Variants in XPR1 observed in about 807,000 individuals in gnomAD.
The protein encoded by XPR1 is xenotropic and polytropic retrovirus receptor 1.
In XPR1, 28 loss-of-function variants were observed where a neutral mutation model predicts 87.5. The observed-to-expected ratio is 0.32, with a 90% CI of 0.24 to 0.44. XPR1 has a LOEUF of 0.44. Among genes scored for constraint, XPR1 ranks in the 20% least tolerant of loss-of-function variants. XPR1 has a pLI of 1.00. For synonymous variants in XPR1, 300 were observed against 306.1 expected (o/e 0.98, Z 0.21); for missense variants, 559 against 862.3 (o/e 0.65, Z 4.41).
intron 13 of XPR1, among the ~76,000 whole-genome samples, 166 bp from the exon 14 acceptor site, chr1:180,879,910 C>G (rs144162411): frequency 2.6e-5 from 4 of 152,102 alleles, no homozygotes; most frequent in Admixed American, 2.0e-4. Context: ...CCCTTACCCC[C>G]CCACCACCAC....
intron 1 of XPR1, among the ~76,000 whole-genome samples, chr1:180,636,494 G>A (rs1324933351): frequency 3.3e-5 from 5 of 152,118 alleles, no homozygotes; most frequent in Non-Finnish European, 7.3e-5. Flanking sequence ...TGAGTATGCT[G>A]GAAAGATTAT....
At chr1:180,677,437 TAG>T (rs1557952092) in intron 1 of XPR1, among the ~76,000 whole-genome samples, 4 of 152,072 alleles carry the variant, frequency 2.6e-5, no homozygotes, top group African/African-American at 9.7e-5. Context: ...GATAAAATCA[TAG>T]AGAGTCAAAG....
chr1:180,888,927 T>C lies in XPR1; in HGVS notation c.*4861T>C, dbSNP rs1653101153. 6.6e-6 allele frequency: 1 copy of C among 152,196 alleles called. No individual in the cohort carries two copies. The highest frequency in any genetic ancestry group is 1.5e-5 in the Non-Finnish European group (1 of 68,034). The allele number at this position is 152,196 out of a possible 1,614,324, so 9.4% of individuals were successfully genotyped here. On this transcript the variant is annotated 3_prime_UTR_variant, in exon 15 of 15. Transcript: ENST00000367590. ...ATATGAAAAAGTAAAAACATCTCAT[T>C]AGGTTTGGAAGAGCCTAAGGTAGTC...
chr1:180,804,402 A>G (rs1649911774), intron 4 of XPR1, among the ~76,000 whole-genome samples: 1 of 152,260 alleles, frequency 6.6e-6, no homozygotes, highest in Non-Finnish European at 1.5e-5. Context: ...AGCTGAAAGA[A>G]TCTTTCCAAT....
Position 180,885,320 on chromosome 1 carries a change from T to C in XPR1, c.*1254T>C, listed in dbSNP as rs1238801058. 3 of 152,744 alleles carry C rather than the reference T, an allele frequency of 2.0e-5. No homozygotes were observed. Among genetic ancestry groups the C allele is most frequent in the African/African-American group, 7.2e-5 (3 of 41,568 alleles). The allele number at this position is 152,744 out of a possible 1,614,324, so 9.5% of individuals were successfully genotyped here. On this transcript the variant is annotated 3_prime_UTR_variant, in exon 15 of 15. Transcript: ENST00000367590. ...CCTTGGCAGCCATTTCTCCCAGCAG[T>C]TTTAAAGGATGAACATTGGATTTCA...
chr1:180,673,095 CAT>C (rs1460915382), intron 1 of XPR1, among the ~76,000 whole-genome samples: 1 of 152,076 alleles, frequency 6.6e-6, no homozygotes, highest in African/African-American at 2.4e-5. Context: ...GTGTATGAGA[CAT>C]AATGGTTAGC....
intron 1 of XPR1, among the ~76,000 whole-genome samples, chr1:180,679,558 A>G (rs150560974): frequency 2.0e-3 from 312 of 152,298 alleles, no homozygotes; most frequent in African/African-American, 6.9e-3. Context: ...AGCTATGGAT[A>G]TCCTCATCCA....
intron 7 of XPR1, among the ~76,000 whole-genome samples, chr1:180,817,619 A>G (rs979964421): frequency 8.5e-5 from 13 of 152,240 alleles, no homozygotes; most frequent in African/African-American, 3.1e-4. Context: ...CAATAGGCTC[A>G]CATAACTGTA....
chr1:180,755,416 T>C (rs1383152562), intron 2 of XPR1, among the ~76,000 whole-genome samples: 1 of 152,260 alleles, frequency 6.6e-6, no homozygotes, highest in Non-Finnish European at 1.5e-5. Flanking sequence ...GGATACTGTA[T>C]GTAGCTGAAC....
intron 1 of XPR1, among the ~76,000 whole-genome samples, chr1:180,656,387 GTATTTATATATAAATATTTATA>G (rs1276112354): frequency 0.062 from 3,312 of 53,574 alleles, 748 homozygotes; most frequent in African/African-American, 0.16. Context: ...TAATATTCAT[GTATTTATATATAAATATTTATA>G]TATTTATATA....
At chr1:180,668,515 T>G (rs966084463) in intron 1 of XPR1, among the ~76,000 whole-genome samples, 8 of 152,218 alleles carry the variant, frequency 5.3e-5, no homozygotes, top group Non-Finnish European at 1.2e-4. Context: ...GAAATCCATT[T>G]GAAATTTGAA....
At chr1:180,770,973 G>A (rs1300368072) in intron 2 of XPR1, among the ~76,000 whole-genome samples, 3 of 152,020 alleles carry the variant, frequency 2.0e-5, no homozygotes, top group African/African-American at 7.3e-5. Context: ...TTTATAATGG[G>A]TTAGTGCCTG....
intron 2 of XPR1, among the ~76,000 whole-genome samples, chr1:180,702,562 G>A (rs1421098602): frequency 6.6e-6 from 1 of 151,836 alleles, no homozygotes; most frequent in Admixed American, 6.6e-5. Flanking sequence ...TCTTCTGCTT[G>A]ATCTAGTCTG....
Position 180,834,856 on chromosome 1 carries a change from A to ATTTTTTTTTT in XPR1, c.1135-17_1135-8dup. Reference sequence around the variant, plus strand: ...ACTTTTCTTGTTTCTGTGTTTTCTGATTTTTTTTTTCTTTCAGTTTCGAGT... The same window carrying ATTTTTTTTTT: ...ACTTTTCTTGTTTCTGTGTTTTCTGATTTTTTTTTTTTTTTTTTTTCTTTCAGTTTCGAGT... On this transcript the variant is annotated splice_polypyrimidine_tract_variant and intron_variant, in intron 9 of 14. Coordinates refer to ENST00000367590, the MANE Select transcript of XPR1 (RefSeq NM_004736.4). 1 of 1,491,296 alleles carries ATTTTTTTTTT rather than the reference A, an allele frequency of 6.7e-7. No individual in the cohort carries two copies. Among genetic ancestry groups the ATTTTTTTTTT allele is most frequent in the Non-Finnish European group, 9.1e-7 (1 of 1,099,488 alleles). 92.4% of individuals were successfully genotyped at this position (1,491,296 alleles called of 1,614,324 possible). A position where few individuals can be genotyped will look rare whatever the true frequency, so the allele number is the denominator to read the frequency against.
Position 180,632,195 on chromosome 1 carries a change from C to G in XPR1, c.-7C>G. 1.2e-6 allele frequency: 2 copies of G among 1,605,782 alleles called. No homozygotes were observed. The highest frequency in any genetic ancestry group is 2.7e-5 in the African/African-American group (2 of 74,806). ...GACCCGAGTGGGAGTGAGGGGGAAACGGCAGGATGAAGTTCGCCGAGCACC... is the reference window on the plus strand; with the variant it reads ...GACCCGAGTGGGAGTGAGGGGGAAAGGGCAGGATGAAGTTCGCCGAGCACC... On this transcript the variant is annotated 5_prime_UTR_variant, in exon 1 of 15. Coordinates refer to ENST00000367590, the MANE Select transcript of XPR1 (RefSeq NM_004736.4).
chr1:180,657,345 G>T (rs1298352509), intron 1 of XPR1, among the ~76,000 whole-genome samples: 1 of 152,136 alleles, frequency 6.6e-6, no homozygotes, highest in African/African-American at 2.4e-5. Flanking sequence ...TGCTTGTGGG[G>T]TATTCAAGAA....
At chr1:180,791,197 G>T (rs769024068) in intron 3 of XPR1, among the ~76,000 whole-genome samples, 11 of 152,192 alleles carry the variant, frequency 7.2e-5, no homozygotes, top group Non-Finnish European at 1.2e-4. Context: ...TGGATGATTT[G>T]TATCACAAAG....
At chr1:180,649,326 G>C (rs1046585964) in intron 1 of XPR1, among the ~76,000 whole-genome samples, 8 of 152,022 alleles carry the variant, frequency 5.3e-5, no homozygotes, top group African/African-American at 1.9e-4. Context: ...CAGCTACTCG[G>C]GAGGCTGAGG....
intron 2 of XPR1, among the ~76,000 whole-genome samples, chr1:180,764,474 G>T (rs1484382050): frequency 6.7e-6 from 1 of 150,374 alleles, no homozygotes; most frequent in African/African-American, 2.4e-5. Flanking sequence ...TTTTGTTTCT[G>T]TTTTTGTTTT....
Sources: gnomAD v4.1 joint callset for allele counts (sites outside exome capture counted in the v4.1 genomes callset) on GRCh38, gnomAD v4.1.1 for gene constraint, MANE v1.5 for transcripts, NCBI Gene and HGNC (gene_info 2026-07-23, HGNC 2026-07-21) for gene names.